Variants in SYNE1 observed in about 807,000 individuals in gnomAD.
The protein encoded by SYNE1 is nesprin-1.
A neutral mutation model predicts 1,111.0 loss-of-function variants in SYNE1; 616 were observed. That is an observed-to-expected ratio of 0.55 (90% confidence interval 0.52 to 0.59). SYNE1 has a LOEUF of 0.59. Ranked by LOEUF, SYNE1 falls within the 20% of genes least tolerant of loss-of-function variation. The pLI is 0.00. For synonymous variants in SYNE1, 3,855 were observed against 3,825.8 expected (o/e 1.01, Z -0.28); for missense variants, 10,006 against 10,417.0 (o/e 0.96, Z 1.72).
chr6:152,456,942 T>A (rs532850355), intron 22 of SYNE1: 1 of 238,932 alleles, frequency 4.2e-6, no homozygotes, highest in African/African-American at 2.3e-5. Flanking sequence ...TTTGAAAACT[T>A]AGGAGATAAA....
Position 152,447,618 on chromosome 6 carries a change from A to G in SYNE1, c.3509T>C (p.Ile1170Thr). The change falls in exon 29 of 146, where the codon ATC (isoleucine) becomes ACC (threonine). Residue 1170 changes from isoleucine (I) to threonine (T), a missense_variant. By Grantham distance (89) the Ile-to-Thr change is moderately conservative. Coordinates refer to ENST00000367255, the MANE Select transcript of SYNE1 (RefSeq NM_182961.4). ...HGEVKRAVEEIRNGVTKRGET... is the reference protein window; with the variant it reads ...HGEVKRAVEETRNGVTKRGET... The stretch of plus-strand genomic sequence containing the variant: ...ACCCCTTTTGGTAACACCATTTCTG[A>G]TCTCCTGAAATGAGAGAACACTTTT... 6.2e-7 allele frequency: 1 copy of G among 1,614,190 alleles called. No homozygotes were observed. Among genetic ancestry groups the G allele is most frequent in the African/African-American group, 1.3e-5 (1 of 75,062 alleles).
intron 39 of SYNE1, among the ~76,000 whole-genome samples, chr6:152,421,748 C>G (rs1355771512): frequency 6.6e-6 from 1 of 150,640 alleles, no homozygotes; most frequent in African/African-American, 2.4e-5. Context: ...TCTTGTTGCC[C>G]AGGCTGGAGT....
intron 3 of SYNE1, among the ~76,000 whole-genome samples, chr6:152,605,426 G>A (rs1036673645): frequency 6.6e-6 from 1 of 152,168 alleles, no homozygotes; most frequent in Non-Finnish European, 1.5e-5. Flanking sequence ...GATTGTCCTT[G>A]AGATGTAAAG....
Position 152,318,121 on chromosome 6 carries a change from G to C in SYNE1, c.16532C>G (p.Thr5511Ser). The change falls in exon 86 of 146, where the codon ACC becomes AGC. Residue 5511 changes from threonine to serine, a missense_variant. Physicochemically the swap from Thr to Ser is moderately conservative, Grantham distance 58 (BLOSUM62 1). Transcript: ENST00000367255. ...GAGCCGATTCTCAGCTTGTCTAATG[G>C]TCTGCTGGTGAAGTTCAGTCAGTTT... ...IGKLTELHQQ[T>S]IRQAENRLSK... The C allele has an allele frequency of 6.2e-7, 1 of 1,614,156 alleles. No homozygotes were observed. Among genetic ancestry groups the C allele is most frequent in the East Asian group, 2.2e-5 (1 of 44,878 alleles).
At chr6:152,137,804 G>A (rs778617021) in intron 140 of SYNE1, among the ~76,000 whole-genome samples, 6 of 152,172 alleles carry the variant, frequency 3.9e-5, no homozygotes, top group Non-Finnish European at 8.8e-5. Context: ...CAGACAACAT[G>A]GGTTTAAGAG....
At chr6:152,613,072 C>G (rs2099636380) in intron 3 of SYNE1, among the ~76,000 whole-genome samples, 1 of 152,188 alleles carries the variant, frequency 6.6e-6, no homozygotes, top group African/African-American at 2.4e-5. Flanking sequence ...GAAGCATTCC[C>G]TTTGAAAACC....
chr6:152,278,315 T>A (rs1398330803), intron 97 of SYNE1, 35 bp from the exon 98 acceptor site: 1 of 1,609,900 alleles, frequency 6.2e-7, no homozygotes. Context: ...AACTCACACA[T>A]CTCCCCAGCC....
intron 126 of SYNE1, 30 bp downstream of exon 126, chr6:152,206,138 T>C (rs773284313): frequency 1.2e-6 from 2 of 1,609,974 alleles, no homozygotes; most frequent in Non-Finnish European, 1.7e-6. Context: ...AAAAGGGTTT[T>C]TTGGTTCGTT....
intron 130 of SYNE1, chr6:152,168,256 G>A: frequency 1.5e-6 from 1 of 669,634 alleles, no homozygotes. Flanking sequence ...GCTATATCCT[G>A]CGTGGGGATG....
At chr6:152,164,125 C>G in intron 131 of SYNE1, 38 bp downstream of exon 131, 1 of 1,613,284 alleles carries the variant, frequency 6.2e-7, no homozygotes, top group South Asian at 1.1e-5. Flanking sequence ...GACAGATATT[C>G]CATGGCTTAT....
At chr6:152,380,868 T>C in intron 56 of SYNE1, 138 bp downstream of exon 56, 5 of 828,754 alleles carry the variant, frequency 6.0e-6, no homozygotes, top group South Asian at 1.5e-5. Flanking sequence ...AGACTTTGCT[T>C]ATTTAATGAG....
At chr6:152,399,883 C>T in intron 47 of SYNE1, 60 bp from the exon 48 acceptor site, 1 of 1,543,408 alleles carries the variant, frequency 6.5e-7, no homozygotes, top group Non-Finnish European at 8.9e-7. Flanking sequence ...ACTCCATTTA[C>T]TTCACTATGG....
intron 140 of SYNE1, among the ~76,000 whole-genome samples, chr6:152,139,676 G>A (rs1446023754): frequency 9.1e-6 from 1 of 110,462 alleles, no homozygotes; most frequent in Non-Finnish European, 1.9e-5. Context: ...GAAGGAATGA[G>A]AGAGAAAGAA....
chr6:152,516,797 G>A (rs1292147963), intron 6 of SYNE1, among the ~76,000 whole-genome samples: 1 of 152,026 alleles, frequency 6.6e-6, no homozygotes, highest in Non-Finnish European at 1.5e-5. Flanking sequence ...TGTTGCCCAG[G>A]CTGATCTCAA....
intron 93 of SYNE1, among the ~76,000 whole-genome samples, chr6:152,294,516 T>C (rs558168078): frequency 1.3e-5 from 2 of 152,316 alleles, no homozygotes; most frequent in African/African-American, 4.8e-5. Context: ...ATGTATTCAT[T>C]AAAGTTTTAA....
chr6:152,504,053 A>C (rs1239163557), intron 9 of SYNE1, among the ~76,000 whole-genome samples: 1 of 152,128 alleles, frequency 6.6e-6, no homozygotes, highest in Non-Finnish European at 1.5e-5. Context: ...TCTAATCATC[A>C]AAGAAAATAT....
intron 20 of SYNE1, among the ~76,000 whole-genome samples, chr6:152,462,244 G>C (rs1233570009): frequency 6.6e-6 from 1 of 151,258 alleles, no homozygotes; most frequent in African/African-American, 2.4e-5. Context: ...TTTTTTTCCT[G>C]TGTTTACACC....
rs2096804763 is a variant in SYNE1, at chr6:152,354,791, G to T, written c.10794C>A (p.Asn3598Lys). Residue 3598 changes from asparagine (N) to lysine (K), a missense_variant, in exon 67 of 146, where the codon AAC becomes AAA. Transcript: ENST00000367255. ...ACTTTTGCTCCATTAGCCTCAATTT[G>T]TTCACCACGTTATTGAACTGAGTTC... ...ETRTQFNNVV[N>K]KLRLMEQKFQ... is the part of the protein sequence containing the mutation. 2 of 1,614,144 alleles carry T rather than the reference G, an allele frequency of 1.2e-6. No individual in the cohort carries two copies. The highest frequency in any genetic ancestry group is 1.7e-6 in the Non-Finnish European group (2 of 1,180,036).
chr6:152,478,182 T>C (rs2098846501), intron 14 of SYNE1, among the ~76,000 whole-genome samples: 3 of 152,104 alleles, frequency 2.0e-5, no homozygotes, highest in Non-Finnish European at 4.4e-5. Flanking sequence ...AAACTTCACA[T>C]GGTAGATGGC....
Sources: gnomAD v4.1 joint callset for allele counts (sites outside exome capture counted in the v4.1 genomes callset) on GRCh38, gnomAD v4.1.1 for gene constraint, MANE v1.5 for transcripts, NCBI Gene and HGNC (gene_info 2026-07-23, HGNC 2026-07-21) for gene names.